The following EFR3B variants were observed in gnomAD, a reference collection of about 807,000 sequenced individuals.
The protein encoded by EFR3B is EFR3 homolog B.
In EFR3B, 64 loss-of-function variants were observed where a neutral mutation model predicts 104.7. The ratio of observed to expected loss-of-function variants is 0.61; its 90% CI spans 0.50 to 0.75. The LOEUF (loss-of-function observed/expected upper bound fraction) is 0.75. Among genes scored for constraint, EFR3B ranks in the 30% least tolerant of loss-of-function variants. The pLI, the probability that EFR3B is intolerant of heterozygous loss-of-function variation, is 0.00. For synonymous variants in EFR3B, 385 were observed against 417.9 expected, an observed-to-expected ratio of 0.92 and a Z score of 0.96; for missense variants, 750 against 1,078.5, an observed-to-expected ratio of 0.70 and a Z score of 4.27.
At chr2:25,105,808 G>A (rs1446418519) in intron 4 of EFR3B, among the ~76,000 whole-genome samples, 3 of 152,194 alleles carry the variant, frequency 2.0e-5, no homozygotes, top group Non-Finnish European at 4.4e-5. Context: ...TTCCCCCACA[G>A]GAAATCCTAG....
rs10202934 is a variant in EFR3B, at chr2:25,136,385, C to T, written c.1485-138C>T. 183,190 of 611,160 alleles carry T rather than the reference C, an allele frequency of 0.3. 32,709 individuals are homozygous for T. Among genetic ancestry groups the T allele is most frequent in the East Asian group, 0.67 (22,594 of 33,798 alleles). The allele number at this position is 611,160 out of a possible 1,614,324, so 37.9% of individuals were successfully genotyped here. On this transcript the variant is annotated intron_variant, in intron 13 of 22. Coordinates refer to ENST00000403714, the MANE Select transcript of EFR3B (RefSeq NM_014971.2). The surrounding 1 kb of genome is among the most constrained non-coding windows in gnomAD (Gnocchi z 4.0). ...TGAGAACTTGGGAGGAAAAGGTAAT[C>T]GGGCTGAGAACCAGGGCCAGGGGAG... is the stretch of plus-strand genomic sequence containing the variant.
chr2:25,056,510 G>A (rs1244062255), intron 1 of EFR3B, among the ~76,000 whole-genome samples: 1 of 148,686 alleles, frequency 6.7e-6, no homozygotes, highest in Non-Finnish European at 1.5e-5. Context: ...TCTGTATCTC[G>A]TTGCCTGGAA....
chr2:25,089,005 G>C (rs1006169898), intron 1 of EFR3B, among the ~76,000 whole-genome samples: 2 of 152,162 alleles, frequency 1.3e-5, no homozygotes, highest in East Asian at 3.8e-4. Flanking sequence ...GTGTGGTGGC[G>C]GCTCCTGGAG....
At chr2:25,103,413 G>A (rs1298187372) in intron 3 of EFR3B, among the ~76,000 whole-genome samples, 1 of 152,248 alleles carries the variant, frequency 6.6e-6, no homozygotes, top group Non-Finnish European at 1.5e-5. Context: ...GGGGCTGGAT[G>A]AGTTGGTCTC....
chr2:25,087,268 A>G (rs973140119), intron 1 of EFR3B, among the ~76,000 whole-genome samples: 2 of 152,038 alleles, frequency 1.3e-5, no homozygotes, highest in African/African-American at 4.8e-5. Context: ...GAGAACTACG[A>G]TTCAAGATGA....
At chr2:25,091,118 A>G (rs1476368754) in intron 1 of EFR3B, among the ~76,000 whole-genome samples, 1 of 146,120 alleles carries the variant, frequency 6.8e-6, no homozygotes, top group African/African-American at 2.8e-5. Context: ...AGAATGGCAC[A>G]TGGCAGATGT....
chr2:25,049,189 G>A (rs1471620502), intron 1 of EFR3B, among the ~76,000 whole-genome samples: 1 of 152,082 alleles, frequency 6.6e-6, no homozygotes, highest in Non-Finnish European at 1.5e-5. Context: ...TTTTCCCCTA[G>A]TACTTGCTAA....
In EFR3B at chr2:25,144,958, A is replaced by G; in HGVS notation, c.2051-2A>G. On this transcript the variant is annotated splice_acceptor_variant, in intron 18 of 22. Transcript: ENST00000403714. LOFTEE classifies it high-confidence loss of function. ...AAAGCCTCTGGGCTGCTTCTTCCCC[A>G]GATGAGGATCGTTTATCCAAGAGGA... is the stretch of plus-strand genomic sequence containing the variant. The G allele has an allele frequency of 6.4e-7, 1 of 1,551,662 alleles. No individual in the cohort carries two copies. Among genetic ancestry groups the G allele is most frequent in the Non-Finnish European group, 8.7e-7 (1 of 1,146,974 alleles).
chr2:25,131,296 C>G lies in EFR3B; in HGVS notation c.850-72C>G. ...TTTAGTTTACCCCCGCCTTTGGGTG[C>G]CAGGAGAGGGCTGCGCAGCCCAGGG... On this transcript the variant is annotated intron_variant, in intron 8 of 22. Coordinates refer to ENST00000403714, the MANE Select transcript of EFR3B (RefSeq NM_014971.2). This position sits in a 1 kb window ranked among gnomAD's most constrained non-coding sequence, Gnocchi z 7.6. The G allele has an allele frequency of 6.6e-7, 1 of 1,514,856 alleles. No homozygotes were observed. The highest frequency in any genetic ancestry group is 8.9e-7 in the Non-Finnish European group (1 of 1,126,554). The allele number at this position is 1,514,856 out of a possible 1,614,324, so 93.8% of individuals were successfully genotyped here.
intron 1 of EFR3B, among the ~76,000 whole-genome samples, chr2:25,058,632 G>A (rs1361272487): frequency 6.6e-6 from 1 of 151,974 alleles, no homozygotes; most frequent in African/African-American, 2.4e-5. Context: ...GGTGGCGAGT[G>A]CCTGTAGTTC....
At chr2:25,135,686 C>A in intron 13 of EFR3B, 47 bp downstream of exon 13, 1 of 1,547,286 alleles carries the variant, frequency 6.5e-7, no homozygotes, top group Non-Finnish European at 8.7e-7. Flanking sequence ...GGGGAGAGGA[C>A]TCTCCATTAG....
intron 11 of EFR3B, 142 bp from the exon 12 acceptor site, chr2:25,133,241 T>C: frequency 1.0e-6 from 1 of 996,894 alleles, no homozygotes; most frequent in Non-Finnish European, 1.5e-6. Context: ...TTGGTCGGCT[T>C]CCTGGGTCCG....
chr2:25,047,765 G>C (rs1386734416), intron 1 of EFR3B, among the ~76,000 whole-genome samples: 1 of 152,168 alleles, frequency 6.6e-6, no homozygotes, highest in African/African-American at 2.4e-5. Flanking sequence ...CTCCCAAAGT[G>C]CTGGGATTAC....
intron 1 of EFR3B, among the ~76,000 whole-genome samples, chr2:25,072,804 C>T (rs564598482): frequency 4.6e-5 from 7 of 152,292 alleles, no homozygotes; most frequent in Non-Finnish European, 8.8e-5. Context: ...TTGGGGCCCA[C>T]AGGACTGCTG....
At chr2:25,091,772 C>A (rs754969213) in intron 2 of EFR3B, among the ~76,000 whole-genome samples, 9 of 152,186 alleles carry the variant, frequency 5.9e-5, no homozygotes, top group Non-Finnish European at 1.2e-4. Context: ...TGAGGACTCC[C>A]CTGTCTTGGG....
At chr2:25,149,569 G>C (rs1280328954) in intron 19 of EFR3B, 125 bp from the exon 20 acceptor site, 39 of 950,598 alleles carry the variant, frequency 4.1e-5, no homozygotes, top group Non-Finnish European at 5.9e-5. Context: ...GGTGTCCTGA[G>C]GGACTTCCTG....
intron 20 of EFR3B, among the ~76,000 whole-genome samples, chr2:25,150,905 C>G (rs775252781): frequency 6.8e-4 from 104 of 152,214 alleles, no homozygotes; most frequent in Non-Finnish European, 1.5e-4. Context: ...CCCACTGCAC[C>G]TGGCTATTTC....
intron 4 of EFR3B, among the ~76,000 whole-genome samples, chr2:25,109,978 C>A (rs940665544): frequency 6.6e-6 from 1 of 152,130 alleles, no homozygotes; most frequent in African/African-American, 2.4e-5. Flanking sequence ...TGGTGCAAAG[C>A]GAGTCACCCA....
Position 25,131,494 on chromosome 2 carries a change from G to A in EFR3B, c.976G>A (p.Gly326Ser). ...LSEAAVIAAT[G>S]SVGPTVLEMF... ...GGAAGCCGCGGTCATCGCTGCCACC[G>A]GCTCTGTGGGTAAGGGGCATGGCTA... The change falls in exon 9 of 23, where the codon GGC becomes AGC. Residue 326 changes from glycine to serine, a missense_variant. Physicochemically the swap from Gly to Ser is moderately conservative, Grantham distance 56. Coordinates refer to ENST00000403714, the MANE Select transcript of EFR3B (RefSeq NM_014971.2). This position sits in a 1 kb window ranked among gnomAD's most constrained non-coding sequence, Gnocchi z 7.6. 10 of 1,549,460 alleles carry A rather than the reference G, an allele frequency of 6.5e-6. No homozygotes were observed. The highest frequency in any genetic ancestry group is 8.7e-6 in the Non-Finnish European group (10 of 1,146,826).
Sources: gnomAD v4.1 joint callset for allele counts (sites outside exome capture counted in the v4.1 genomes callset) on GRCh38, gnomAD v4.1.1 for gene constraint, Gnocchi (gnomAD v3.1) non-coding constraint, MANE v1.5 for transcripts, NCBI Gene and HGNC (gene_info 2026-07-23, HGNC 2026-07-21) for gene names.